Variants in LRRC4C observed in about 807,000 individuals in gnomAD.
The protein encoded by LRRC4C is leucine-rich repeat-containing protein 4C.
Under a neutral mutation model 33.6 loss-of-function variants are expected in LRRC4C, and 5 were observed. The ratio of observed to expected loss-of-function variants is 0.15; its 90% confidence interval spans 0.08 to 0.31. The LOEUF is 0.31. LRRC4C is among the 10% of genes least tolerant of loss of function. LRRC4C has a pLI of 1.00. For synonymous variants in LRRC4C, 329 were observed against 302.0 expected (o/e 1.09, Z -0.93); for missense variants, 560 against 796.7 (o/e 0.70, Z 3.58).
chr11:40,652,154 C>T (rs1250620388), intron 2 of LRRC4C, among the ~76,000 whole-genome samples: 2 of 152,152 alleles, frequency 1.3e-5, no homozygotes, highest in Non-Finnish European at 2.9e-5. Context: ...GATGCCACGG[C>T]TGCAAGCTGA....
chr11:40,526,360 T>C (rs1466241973), intron 3 of LRRC4C, among the ~76,000 whole-genome samples: 1 of 151,968 alleles, frequency 6.6e-6, no homozygotes, highest in African/African-American at 2.4e-5. Flanking sequence ...CAGCATACAT[T>C]AAAAAACCCT....
intron 2 of LRRC4C, among the ~76,000 whole-genome samples, chr11:40,754,216 C>T (rs1948832235): frequency 6.6e-6 from 1 of 151,986 alleles, no homozygotes; most frequent in South Asian, 2.1e-4. Flanking sequence ...CTATAAAGGA[C>T]ATGCTGGCTA....
chr11:40,131,318 C>A (rs1232007713), intron 6 of LRRC4C, among the ~76,000 whole-genome samples: 2 of 152,020 alleles, frequency 1.3e-5, no homozygotes, highest in African/African-American at 4.8e-5. Context: ...TTGTCACCCT[C>A]CATATAAACA....
intron 5 of LRRC4C, among the ~76,000 whole-genome samples, chr11:40,164,476 A>T (rs1459194647): frequency 1.3e-5 from 2 of 152,092 alleles, no homozygotes. Flanking sequence ...ACCTCAGGTG[A>T]TCTGCCCACC....
intron 1 of LRRC4C, among the ~76,000 whole-genome samples, chr11:41,244,197 C>T (rs543748878): frequency 2.0e-5 from 3 of 147,640 alleles, no homozygotes; most frequent in Non-Finnish European, 3.0e-5. Context: ...ATCTATCGAT[C>T]GTAAAAAGAA....
chr11:40,796,635 C>CTTTTTTTTTT (rs1188389556), intron 2 of LRRC4C, among the ~76,000 whole-genome samples: 14 of 104,928 alleles, frequency 1.3e-4, no homozygotes, highest in South Asian at 7.0e-4. Context: ...AAGCAGAACT[C>CTTTTTTTTTT]TTTTTTTTTT....
At chr11:40,649,513 G>A (rs751107527) in intron 2 of LRRC4C, among the ~76,000 whole-genome samples, 1 of 152,084 alleles carries the variant, frequency 6.6e-6, no homozygotes, top group South Asian at 2.1e-4. Flanking sequence ...CTGTCATTCT[G>A]TTCTTTTTCA....
intron 1 of LRRC4C, among the ~76,000 whole-genome samples, chr11:41,361,883 T>C (rs545517047): frequency 6.6e-5 from 10 of 152,158 alleles, no homozygotes; most frequent in Non-Finnish European, 1.0e-4. Context: ...GAGGAGATAA[T>C]ATAATTGTAA....
At chr11:41,239,530 G>A (rs184647321) in intron 1 of LRRC4C, among the ~76,000 whole-genome samples, 14 of 151,998 alleles carry the variant, frequency 9.2e-5, no homozygotes, top group East Asian at 7.8e-4. Context: ...CCCTGTACCC[G>A]GAATTTATCT....
At chr11:40,702,535 A>G (rs117772682) in intron 2 of LRRC4C, among the ~76,000 whole-genome samples, 1 of 152,198 alleles carries the variant, frequency 6.6e-6, no homozygotes, top group Non-Finnish European at 1.5e-5. Flanking sequence ...TTCCATTAAG[A>G]TTAGAACAAG....
chr11:40,380,273 G>C (rs967718316), intron 3 of LRRC4C, among the ~76,000 whole-genome samples: 2 of 152,216 alleles, frequency 1.3e-5, no homozygotes, highest in African/African-American at 4.8e-5. Context: ...ACTGTAATCA[G>C]GCAAGGTTTT....
At chr11:40,387,185 T>C (rs1186795870) in intron 3 of LRRC4C, among the ~76,000 whole-genome samples, 3 of 152,214 alleles carry the variant, frequency 2.0e-5, no homozygotes, top group Non-Finnish European at 4.4e-5. Context: ...TATTTTCATA[T>C]CAGTTTATAT....
intron 1 of LRRC4C, among the ~76,000 whole-genome samples, chr11:41,309,336 C>A (rs767448120): frequency 1.3e-5 from 2 of 152,196 alleles, no homozygotes; most frequent in Non-Finnish European, 2.9e-5. Context: ...CAGCAATTAC[C>A]ATCCACTAAG....
At chr11:40,486,570 A>G (rs984534251) in intron 3 of LRRC4C, among the ~76,000 whole-genome samples, 7 of 152,074 alleles carry the variant, frequency 4.6e-5, no homozygotes, top group Non-Finnish European at 1.0e-4. Flanking sequence ...ACACTAGCTA[A>G]TATCAGGAAA....
chr11:40,739,399 T>G (rs184258003), intron 2 of LRRC4C, among the ~76,000 whole-genome samples: 51 of 152,178 alleles, frequency 3.4e-4, no homozygotes, highest in African/African-American at 1.1e-3. Flanking sequence ...TTCTTCTTTT[T>G]GAAGCCTGAA....
chr11:40,585,000 G>A (rs1458600133), intron 3 of LRRC4C, among the ~76,000 whole-genome samples: 1 of 151,758 alleles, frequency 6.6e-6, no homozygotes, highest in African/African-American at 2.4e-5. Context: ...AGAGGTTCTT[G>A]GGGGCAGATG....
chr11:40,514,401 G>A (rs1292889766), intron 3 of LRRC4C, among the ~76,000 whole-genome samples: 1 of 152,062 alleles, frequency 6.6e-6, no homozygotes, highest in Non-Finnish European at 1.5e-5. Flanking sequence ...CTATGGCCTT[G>A]AGCAAGTTAT....
intron 1 of LRRC4C, among the ~76,000 whole-genome samples, chr11:41,190,651 T>C (rs1312182102): frequency 6.6e-6 from 1 of 152,150 alleles, no homozygotes; most frequent in Non-Finnish European, 1.5e-5. Flanking sequence ...CTCGGCTGCG[T>C]ACATTTGTGT....
chr11:41,234,716 A>T (rs1947943527), intron 1 of LRRC4C, among the ~76,000 whole-genome samples: 1 of 152,070 alleles, frequency 6.6e-6, no homozygotes, highest in Non-Finnish European at 1.5e-5. Flanking sequence ...GCTCAAGAAT[A>T]TGAGACCATC....
Sources: gnomAD v4.1 joint callset for allele counts (sites outside exome capture counted in the v4.1 genomes callset) on GRCh38, gnomAD v4.1.1 for gene constraint, MANE v1.5 for transcripts, NCBI Gene and HGNC (gene_info 2026-07-23, HGNC 2026-07-21) for gene names.